The following UBN2 variants were observed in gnomAD, a reference collection of about 807,000 sequenced individuals.
UBN2 encodes the protein ubinuclein 2, also known as ubinuclein-2.
A neutral mutation model predicts 120.2 loss-of-function variants in UBN2; 35 were observed. That is an observed-to-expected ratio of 0.29 (90% confidence interval 0.22 to 0.39). UBN2 has a LOEUF of 0.39. UBN2 is among the 10% of genes least tolerant of loss of function. UBN2 has a pLI of 1.00. For synonymous variants in UBN2, 661 were observed against 648.7 expected (o/e 1.02, Z -0.29); for missense variants, 1,693 against 1,663.2 (o/e 1.02, Z -0.31).
In UBN2 at chr7:139,279,410, A is replaced by T. The variant is rs28562416; in HGVS notation, c.2067+50A>T. On this transcript the variant is annotated intron_variant, in intron 13 of 17. Transcript: ENST00000473989. ...ATTAGTTATAGTTGGTGAATGTTGA[A>T]ATACATTCCTAAGATGAAAAAGATG... 4,966 of 1,390,308 alleles carry T rather than the reference A, an allele frequency of 3.6e-3. 154 individuals are homozygous for T. In the African/African-American group the frequency reaches 0.064, roughly 18 times the overall value. The allele number at this position is 1,390,308 out of a possible 1,614,324, so 86.1% of individuals were successfully genotyped here. A position where few individuals can be genotyped will look rare whatever the true frequency, so the allele number is the denominator to read the frequency against.
rs1337163487 is a variant in UBN2, at chr7:139,306,168, A to G, written c.*8332A>G. On this transcript the variant is annotated 3_prime_UTR_variant, in exon 18 of 18. Coordinates refer to ENST00000473989, the MANE Select transcript of UBN2 (RefSeq NM_173569.4). Reference sequence around the variant, plus strand: ...AAGTTAACAACACCGTCTGCCCTCAAAGCACATTTAGGAGTATCAACCAAG... The same window carrying G: ...AAGTTAACAACACCGTCTGCCCTCAGAGCACATTTAGGAGTATCAACCAAG... 6.6e-6 allele frequency: 1 copy of G among 152,216 alleles called. No homozygotes were observed. The highest frequency in any genetic ancestry group is 1.9e-4 in the East Asian group (1 of 5,202). 9.4% of individuals were successfully genotyped at this position (152,216 alleles called of 1,614,324 possible).
At chr7:139,275,324 C>A (rs1442135582) in intron 11 of UBN2, among the ~76,000 whole-genome samples, 1 of 151,182 alleles carries the variant, frequency 6.6e-6, no homozygotes, top group Non-Finnish European at 1.5e-5. Context: ...TGGCTCACGC[C>A]TGTAATCCCA....
intron 8 of UBN2, 21 bp from the exon 9 acceptor site, chr7:139,272,301 C>CT: frequency 6.4e-7 from 1 of 1,565,096 alleles, no homozygotes; most frequent in Admixed American, 1.8e-5. Flanking sequence ...ATAAAAACTT[C>CT]TAGTATGTTT....
chr7:139,240,450 A>ATTT (rs1435920419), intron 2 of UBN2, among the ~76,000 whole-genome samples: 44 of 37,360 alleles, frequency 1.2e-3, no homozygotes, highest in Middle Eastern at 0.015. Context: ...ATATATATAT[A>ATTT]TATATTTTTT....
intron 12 of UBN2, among the ~76,000 whole-genome samples, chr7:139,278,105 A>G (rs1374873870): frequency 1.3e-5 from 2 of 151,946 alleles, no homozygotes; most frequent in African/African-American, 4.8e-5. Context: ...ATACATTACA[A>G]TTCAGGTACA....
At chr7:139,325,223 A>G in the UBN2 span, among the ~76,000 whole-genome samples, 3,910 of 149,678 alleles carry the variant, frequency 0.026, 94 homozygotes, top group African/African-American at 0.062. Context: ...ACTTTTACTG[A>G]TATGAGTACA....
At chr7:139,241,237 C>T (rs988234135) in intron 2 of UBN2, among the ~76,000 whole-genome samples, 5 of 152,226 alleles carry the variant, frequency 3.3e-5, no homozygotes, top group Admixed American at 2.0e-4. Flanking sequence ...TTTTCTCACT[C>T]CATTACCCCA....
At chr7:139,251,921 G>GTACCAAATC (rs1796634417) in intron 2 of UBN2, 35 bp from the exon 3 acceptor site, 1 of 1,586,768 alleles carries the variant, frequency 6.3e-7, no homozygotes, top group Admixed American at 1.7e-5. Flanking sequence ...AACAGCATGA[G>GTACCAAATC]TACCAAATCA....
chr7:139,238,316 G>A (rs1046714381), intron 2 of UBN2, among the ~76,000 whole-genome samples: 8 of 152,180 alleles, frequency 5.3e-5, no homozygotes, highest in African/African-American at 1.7e-4. Context: ...TTTGAAGGTA[G>A]AAGAAGTAGA....
At chr7:139,289,687 TAGG>T (rs776325382) in intron 15 of UBN2, among the ~76,000 whole-genome samples, 12 of 151,690 alleles carry the variant, frequency 7.9e-5, no homozygotes, top group Non-Finnish European at 1.5e-4. Flanking sequence ...GCTGGGATAA[TAGG>T]AGTGAACCAT....
the UBN2 span, among the ~76,000 whole-genome samples, chr7:139,325,868 G>T: frequency 5.3e-5 from 8 of 152,116 alleles, no homozygotes; most frequent in Non-Finnish European, 1.2e-4. Context: ...ACAATGGCTG[G>T]GGAGTGGAGG....
At position 139,261,467 on chromosome 7, in the gene UBN2, TGA is replaced by T; in HGVS notation, c.1123_1124del (p.Ser375GlnfsTer3). 6.2e-7 allele frequency: 1 copy of T among 1,614,246 alleles called. No homozygotes were observed. Among genetic ancestry groups the T allele is most frequent in the Non-Finnish European group, 8.5e-7 (1 of 1,180,030 alleles). On this transcript the variant is annotated frameshift_variant, in exon 6 of 18. Coordinates refer to ENST00000473989, the MANE Select transcript of UBN2 (RefSeq NM_173569.4). LOFTEE classifies it high-confidence loss of function. ...GGGAATGACGTCCCGGACTTAAATC[TGA>T]GCAGCGGTGATCCAGACCTTCCCAT... is the stretch of plus-strand genomic sequence containing the variant.
the UBN2 span, among the ~76,000 whole-genome samples, chr7:139,314,547 C>T: frequency 6.6e-6 from 1 of 151,982 alleles, no homozygotes; most frequent in Non-Finnish European, 1.5e-5. Context: ...CTGCTATGGT[C>T]TGATCTCGGC....
chr7:139,312,329 A>G (rs2131104066), downstream of UBN2, among the ~76,000 whole-genome samples: 1 of 152,364 alleles, frequency 6.6e-6, no homozygotes, highest in South Asian at 2.1e-4. Context: ...TTTTCTACTT[A>G]CTTAGATACA....
At chr7:139,251,583 C>A (rs569534817) in intron 2 of UBN2, among the ~76,000 whole-genome samples, 15 of 152,250 alleles carry the variant, frequency 9.9e-5, no homozygotes, top group African/African-American at 3.6e-4. Context: ...TTGGTTTTGT[C>A]TGATGGTTTT....
At chr7:139,293,801 C>G (rs1798032619) in intron 16 of UBN2, 88 bp from the exon 17 acceptor site, 1 of 1,236,028 alleles carries the variant, frequency 8.1e-7, no homozygotes. Context: ...GGTGCTGTGC[C>G]TGCATTACAT....
At chr7:139,254,746 ACT>A (rs1327738983) in intron 3 of UBN2, among the ~76,000 whole-genome samples, 1 of 152,220 alleles carries the variant, frequency 6.6e-6, no homozygotes, top group Non-Finnish European at 1.5e-5. Flanking sequence ...CATCACATGT[ACT>A]CACACTTACA....
At chr7:139,246,375 A>AG (rs1796468869) in intron 2 of UBN2, among the ~76,000 whole-genome samples, 1 of 152,154 alleles carries the variant, frequency 6.6e-6, no homozygotes, top group Non-Finnish European at 1.5e-5. Context: ...CTCAAAAAAA[A>AG]TTTGAGGGAA....
chr7:139,261,153 C>T (rs1429269684), intron 5 of UBN2, 99 bp from the exon 6 acceptor site: 1 of 1,361,442 alleles, frequency 7.3e-7, no homozygotes, highest in African/African-American at 1.5e-5. Flanking sequence ...TGCTCTGTCA[C>T]CTGTCAAATT....
Sources: allele counts gnomAD v4.1 joint callset (sites outside exome capture counted in the v4.1 genomes callset), GRCh38; gene constraint gnomAD v4.1.1; transcripts MANE v1.5; gene names NCBI Gene and HGNC (gene_info 2026-07-23, HGNC 2026-07-21).